Variants in EDN2 observed in about 807,000 individuals in gnomAD.
EDN2 encodes endothelin-2.
A neutral mutation model predicts 19.9 loss-of-function variants in EDN2; 10 were observed. The ratio of observed to expected loss-of-function variants is 0.50; its 90% CI spans 0.31 to 0.85. The LOEUF (loss-of-function observed/expected upper bound fraction) is 0.85, where lower values mean the gene tolerates loss of function less well. Ranked by LOEUF, EDN2 falls within the 40% of genes least tolerant of loss-of-function variation. The probability of loss-of-function intolerance (pLI) is 0.05; values close to 1 mark genes in which losing one functional copy is unlikely to be tolerated. For synonymous variants in EDN2, 84 were observed against 94.9 expected, an observed-to-expected ratio of 0.89 and a Z score of 0.67; for missense variants, 222 against 239.3, an observed-to-expected ratio of 0.93 and a Z score of 0.48.
At chr1:41,481,016 C>T (rs973559193) in intron 4 of EDN2, 79 bp downstream of exon 4, 18 of 1,242,262 alleles carry the variant, frequency 1.4e-5, no homozygotes, top group Non-Finnish European at 2.0e-5. Flanking sequence ...GGACCCAGGC[C>T]TGCCTCACAT....
intron 2 of EDN2, 76 bp downstream of exon 2, chr1:41,483,971 C>A: frequency 4.1e-6 from 6 of 1,466,344 alleles, no homozygotes; most frequent in Non-Finnish European, 5.5e-6. Flanking sequence ...GTCAACGTTC[C>A]CTAGCATGCC....
chr1:41,481,060 G>C, intron 4 of EDN2, 35 bp downstream of exon 4: 1 of 1,523,766 alleles, frequency 6.6e-7, no homozygotes, highest in South Asian at 1.1e-5. Flanking sequence ...GCATACAGGA[G>C]GTGCTCAGTC....
rs1019977401 is a variant in EDN2 at position 41,482,327 on chromosome 1, G to C, written c.344+139C>G. Reference sequence around the variant, plus strand: ...GAAGGGATGGTGCCATGGACCCAAAGCAGCCTGTGGGCCCCTGGGTCGCTT... The same window carrying C: ...GAAGGGATGGTGCCATGGACCCAAACCAGCCTGTGGGCCCCTGGGTCGCTT... On this transcript the variant is annotated intron_variant, in intron 3 of 4. Coordinates refer to ENST00000372587, the MANE Select transcript of EDN2 (RefSeq NM_001956.5). 91 of 1,070,350 alleles carry C rather than the reference G, an allele frequency of 8.5e-5. No homozygotes were observed. The African/African-American group carries it at 1.4e-3, about 17-fold the overall frequency. 66.3% of individuals were successfully genotyped at this position (1,070,350 alleles called of 1,614,324 possible).
chr1:41,482,851 G>T (rs974645873), intron 2 of EDN2: 1 of 284,440 alleles, frequency 3.5e-6, no homozygotes, highest in Non-Finnish European at 6.4e-6. Flanking sequence ...CCCTTCTCTG[G>T]GCCTGGCTTG....
At chr1:41,482,100 C>T (rs1644252556) in intron 3 of EDN2, among the ~76,000 whole-genome samples, 1 of 152,358 alleles carries the variant, frequency 6.6e-6, no homozygotes, top group East Asian at 1.9e-4. Flanking sequence ...CAGTAGGACT[C>T]GATCAGACAG....
intron 3 of EDN2, among the ~76,000 whole-genome samples, chr1:41,481,667 G>A (rs1459859959): frequency 1.1e-4 from 17 of 152,008 alleles, no homozygotes; most frequent in Non-Finnish European, 2.4e-4. Flanking sequence ...AGCCTTCGGA[G>A]TAGTTGAGAT....
chr1:41,482,567 C>A lies in EDN2; in HGVS notation c.243G>T (p.Leu81=). The A allele has an allele frequency of 6.3e-7, 1 of 1,589,170 alleles. No individual in the cohort carries two copies. Among genetic ancestry groups the A allele is most frequent in the Non-Finnish European group, 8.6e-7 (1 of 1,169,304 alleles). The change falls in exon 3 of 5, where the codon CTG becomes CTT. Residue 81 remains leucine, a synonymous_variant. Transcript: ENST00000372587. ...GGCGCCGGCGTCTTGGCGGGTTTCC[C>A]AGGCCGTAAGGAGCTGTCTGTCTGT... ...NTPEQTAPYG[L]GNPPRRRRRS... is the part of the protein sequence containing the mutation.
At position 41,484,157 on chromosome 1, in the gene EDN2, A is replaced by G. The variant is rs1248350954; in HGVS notation, c.111T>C (p.Ser37=). ...AATLEQPASS[S]HAQGTHLRLR... is the part of the protein sequence containing the mutation. The stretch of plus-strand genomic sequence containing the variant: ...GCCGAAGGTGGGTGCCTTGGGCATG[A>G]GATGAGGACGCTGGCTGCTCCAGGG... The change falls in exon 2 of 5, where the codon TCT becomes TCC. Residue 37 remains serine (S), a synonymous_variant. Coordinates refer to ENST00000372587, the MANE Select transcript of EDN2 (RefSeq NM_001956.5). 1 of 1,613,326 alleles carries G rather than the reference A, an allele frequency of 6.2e-7. No individual in the cohort carries two copies. Among genetic ancestry groups the G allele is most frequent in the Non-Finnish European group, 8.5e-7 (1 of 1,180,014 alleles).
chr1:41,484,326 C>G, intron 1 of EDN2, 123 bp from the exon 2 acceptor site: 1 of 1,371,544 alleles, frequency 7.3e-7, no homozygotes, highest in Non-Finnish European at 9.9e-7. Context: ...TCTTGCTGCT[C>G]AAGAGCTCCA....
At chr1:41,483,987 C>T in intron 2 of EDN2, 60 bp downstream of exon 2, 1 of 1,517,464 alleles carries the variant, frequency 6.6e-7, no homozygotes, top group South Asian at 1.3e-5. Context: ...ATGCCAGTAG[C>T]TTCCACCCTG....
intron 4 of EDN2, chr1:41,480,810 G>C (rs1449608078): frequency 1.7e-6 from 1 of 595,438 alleles, no homozygotes; most frequent in Non-Finnish European, 3.2e-6. Flanking sequence ...AGCACAGCCT[G>C]AACGAACAAC....
intron 4 of EDN2, 161 bp downstream of exon 4, chr1:41,480,934 C>T (rs531427445): frequency 8.5e-5 from 56 of 657,884 alleles, no homozygotes; most frequent in Non-Finnish European, 1.3e-4. Flanking sequence ...AGCCAGATGC[C>T]GCTGACTGCT....
Position 41,479,109 on chromosome 1 carries a change from C to T in EDN2, c.*300G>A. 1 of 460,274 alleles carries T rather than the reference C, an allele frequency of 2.2e-6. No individual in the cohort carries two copies. 28.5% of individuals were successfully genotyped at this position (460,274 alleles called of 1,614,324 possible). On this transcript the variant is annotated 3_prime_UTR_variant, in exon 5 of 5. Transcript: ENST00000372587. Reference sequence around the variant, plus strand: ...AGACAGGACACTCCTCAGGACGCAGCCTCCAGATGAATGTACTCCCCATGC... The same window carrying T: ...AGACAGGACACTCCTCAGGACGCAGTCTCCAGATGAATGTACTCCCCATGC...
intron 2 of EDN2, chr1:41,483,771 G>A (rs1231339682): frequency 3.2e-5 from 11 of 342,856 alleles, no homozygotes; most frequent in Admixed American, 8.7e-5. Context: ...TGGGGGAGGC[G>A]CTTAAGCTCT....
At chr1:41,479,753 T>G (rs1171015064) in intron 4 of EDN2, among the ~76,000 whole-genome samples, 3 of 152,242 alleles carry the variant, frequency 2.0e-5, no homozygotes, top group Non-Finnish European at 4.4e-5. Context: ...GCTGCCAGAA[T>G]GAGTGGACAG....
chr1:41,482,809 C>T (rs1289746260), intron 2 of EDN2: 5 of 476,854 alleles, frequency 1.0e-5, no homozygotes, highest in African/African-American at 1.0e-4. Flanking sequence ...GGCTACTCCA[C>T]AAGGGTCCTG....
Position 41,479,182 on chromosome 1 carries a change from T to C in EDN2, c.*227A>G. 1 of 648,184 alleles carries C rather than the reference T, an allele frequency of 1.5e-6. No individual in the cohort carries two copies. The highest frequency in any genetic ancestry group is 2.9e-6 in the Non-Finnish European group (1 of 350,298). 40.2% of individuals were successfully genotyped at this position (648,184 alleles called of 1,614,324 possible). ...GCCAGCAGCCAGCACTGGAGGCTGC[T>C]CCGCAGTCTGGAGGCCGAGGGCTTC... On this transcript the variant is annotated 3_prime_UTR_variant, in exon 5 of 5. Coordinates refer to ENST00000372587, the MANE Select transcript of EDN2 (RefSeq NM_001956.5).
Position 41,478,921 on chromosome 1 carries a change from G to A in EDN2, c.*488C>T, listed in dbSNP as rs1644222384. 3.7e-6 allele frequency: 1 copy of A among 270,272 alleles called. No individual in the cohort carries two copies. The highest frequency in any genetic ancestry group is 7.4e-6 in the Non-Finnish European group (1 of 135,800). 16.7% of individuals were successfully genotyped at this position (270,272 alleles called of 1,614,324 possible). The stretch of plus-strand genomic sequence containing the variant: ...AAAAGCAGAGCAGGCCCTTCTCACT[G>A]GGAGGGTCCCGAGGGAATGAGGGTG... On this transcript the variant is annotated 3_prime_UTR_variant, in exon 5 of 5. Coordinates refer to ENST00000372587, the MANE Select transcript of EDN2 (RefSeq NM_001956.5).
rs946505486 is a variant in EDN2 at position 41,481,123 on chromosome 1, T to C, written c.415A>G (p.Thr139Ala). The change falls in exon 4 of 5, where the codon ACT becomes GCT. Residue 139 changes from threonine (T) to alanine (A), a missense_variant. By Grantham distance (58) the Thr-to-Ala change is moderately conservative. Transcript: ENST00000372587. ...DVFQTGKTGA[T>A]TGELLQRLRD... ...AGCCTTTGGAGAAGCTCTCCTGTAGTGGCCCCTGTCTTGCCAGTCTGGAAC... is the reference window on the plus strand; with the variant it reads ...AGCCTTTGGAGAAGCTCTCCTGTAGCGGCCCCTGTCTTGCCAGTCTGGAAC... The C allele has an allele frequency of 1.2e-6, 2 of 1,614,082 alleles. No individual in the cohort carries two copies. Among genetic ancestry groups the C allele is most frequent in the South Asian group, 1.1e-5 (1 of 91,088 alleles).
Sources: allele counts gnomAD v4.1 joint callset (sites outside exome capture counted in the v4.1 genomes callset), GRCh38; gene constraint gnomAD v4.1.1; transcripts MANE v1.5; gene names NCBI Gene and HGNC (gene_info 2026-07-23, HGNC 2026-07-21).